The following CSAG1 variants were observed in gnomAD, a reference collection of about 807,000 sequenced individuals.
CSAG1 encodes the protein chondrosarcoma associated gene 1, also known as chondrosarcoma-associated gene 1 protein.
In CSAG1, 4 loss-of-function variants were observed where a neutral mutation model predicts 4.8. The ratio of observed to expected loss-of-function variants is 0.83; its 90% CI spans 0.41 to 1.90. The LOEUF (loss-of-function observed/expected upper bound fraction) is 1.90. Ranked by LOEUF, CSAG1 falls within the 40% of genes most tolerant of loss-of-function variation. The probability of loss-of-function intolerance (pLI) is 0.03; values close to 1 mark genes in which losing one functional copy is unlikely to be tolerated. For missense variants in CSAG1, 69 were observed against 59.5 expected, an observed-to-expected ratio of 1.16 and a Z score of -0.53; for synonymous variants, 21 against 23.1, an observed-to-expected ratio of 0.91 and a Z score of 0.26.
intron 2 of CSAG1, among the ~76,000 whole-genome samples, chrX:152,729,520 G>A (rs1201828931): frequency 1.8e-5 from 2 of 112,060 alleles, no homozygotes; most frequent in African/African-American, 3.3e-5. Flanking sequence ...AAAGCTCAGC[G>A]ATAGAAAAAA....
Position 152,727,683 on chromosome X carries a change from C to G in CSAG1, c.*111G>C, listed in dbSNP as rs1369172699. 24 of 975,000 alleles carry G rather than the reference C, an allele frequency of 2.5e-5. No homozygotes were observed. The highest frequency in any genetic ancestry group is 3.4e-5 in the Non-Finnish European group (23 of 682,970). 80.4% of individuals were successfully genotyped at this position (975,000 alleles called of 1,213,427 possible). A position where few individuals can be genotyped will look rare whatever the true frequency, so the allele number is the denominator to read the frequency against. ...TGGAGAAGGCGGTGGTCTCCTTGCC[C>G]TTGTGGTCCTGCTATGGCGCATTTT... is the stretch of plus-strand genomic sequence containing the variant. On this transcript the variant is annotated 3_prime_UTR_variant, in exon 4 of 4. Transcript: ENST00000452779.
intron 2 of CSAG1, among the ~76,000 whole-genome samples, chrX:152,729,261 A>G (rs1932099668): frequency 1.8e-5 from 2 of 112,227 alleles, no homozygotes; most frequent in African/African-American, 6.5e-5. Flanking sequence ...CAAAAACAAT[A>G]CAACCTCTAT....
At chrX:152,730,085 G>C (rs781826738) in intron 2 of CSAG1, among the ~76,000 whole-genome samples, 4 of 103,936 alleles carry the variant, frequency 3.8e-5, no homozygotes, top group Non-Finnish European at 7.9e-5. Context: ...AAAGGAATAA[G>C]TTACAAGCTG....
At position 152,727,756 on chromosome X, in the gene CSAG1, C is replaced by T. The variant is rs1556830535; in HGVS notation, c.*38G>A. ...GTCAGAGTGGCTGGATAGTGTTGGC[C>T]CACTCCATTCCTCAGGTTTTTTTGA... On this transcript the variant is annotated 3_prime_UTR_variant, in exon 4 of 4. Coordinates refer to ENST00000452779, the MANE Select transcript of CSAG1 (RefSeq NM_001102576.3). The T allele has an allele frequency of 2.5e-6, 3 of 1,196,736 alleles. No homozygotes were observed. Among genetic ancestry groups the T allele is most frequent in the Admixed American group, 2.2e-5 (1 of 45,990 alleles).
At chrX:152,728,746 C>T (rs1468609362) in intron 2 of CSAG1, among the ~76,000 whole-genome samples, 1 of 111,680 alleles carries the variant, frequency 9.0e-6, no homozygotes, top group Non-Finnish European at 1.9e-5. Context: ...TTATTCCTGG[C>T]TTGTAGATGG....
At chrX:152,731,713 T>C (rs1556228216) in intron 2 of CSAG1, among the ~76,000 whole-genome samples, 6 of 87,465 alleles carry the variant, frequency 6.9e-5, no homozygotes. Context: ...AAATAACATA[T>C]GATTTAACAT....
chrX:152,728,408 A>T (rs1455753734), intron 2 of CSAG1, among the ~76,000 whole-genome samples, 184 bp from the exon 3 acceptor site: 1 of 112,445 alleles, frequency 8.9e-6, no homozygotes, highest in Non-Finnish European at 1.9e-5. Flanking sequence ...CTTCACAGCA[A>T]CATCTAGACT....
chrX:152,733,305 G>C (rs1423453539), intron 1 of CSAG1: 2 of 112,454 alleles, frequency 1.8e-5, no homozygotes, highest in African/African-American at 6.5e-5. Flanking sequence ...ACAGCCAGGA[G>C]TGAGGAAGAG....
At chrX:152,732,553 A>C in intron 1 of CSAG1, 49 bp from the exon 2 acceptor site, 1 of 1,191,334 alleles carries the variant, frequency 8.4e-7, no homozygotes, top group Non-Finnish European at 1.1e-6. Flanking sequence ...AGTATTAGCA[A>C]GAAAATCTAC....
chrX:152,732,322 A>G (rs1556227983), intron 2 of CSAG1, 123 bp downstream of exon 2: 1 of 913,346 alleles, frequency 1.1e-6, no homozygotes, highest in Non-Finnish European at 1.5e-6. Flanking sequence ...ATCGAAGTAT[A>G]CTGACATATT....
chrX:152,730,859 A>G (rs1556228494), intron 2 of CSAG1, among the ~76,000 whole-genome samples: 2 of 112,622 alleles, frequency 1.8e-5, no homozygotes, highest in African/African-American at 6.5e-5. Flanking sequence ...TTATAGATGT[A>G]TGAAACCACC....
At chrX:152,732,009 A>G (rs1177008621) in intron 2 of CSAG1, among the ~76,000 whole-genome samples, 3 of 112,333 alleles carry the variant, frequency 2.7e-5, no homozygotes, top group African/African-American at 9.7e-5. Context: ...GAGACACAAA[A>G]AGCTATAAGT....
At chrX:152,728,964 C>G (rs1435148584) in intron 2 of CSAG1, among the ~76,000 whole-genome samples, 1 of 111,271 alleles carries the variant, frequency 9.0e-6, no homozygotes, top group African/African-American at 3.3e-5. Flanking sequence ...TCACCAAATA[C>G]AGACACCCTG....
At chrX:152,732,635 C>A (rs4828717) in intron 1 of CSAG1, 131 bp from the exon 2 acceptor site, 1 of 824,360 alleles carries the variant, frequency 1.2e-6, no homozygotes, top group East Asian at 3.3e-5. Context: ...TGACACTTGC[C>A]GTGTCGGTTA....
At position 152,732,466 on chromosome X, in the gene CSAG1, G is replaced by A. The variant is rs368709679; in HGVS notation, c.-6C>T. On this transcript the variant is annotated 5_prime_UTR_variant, in exon 2 of 4. Transcript: ENST00000452779. Reference sequence around the variant, plus strand: ...TTACCTGTAGTCGCCGACATTACAAGCAAATTTGGGCTGCTGTGCTCTGCT... The same window carrying A: ...TTACCTGTAGTCGCCGACATTACAAACAAATTTGGGCTGCTGTGCTCTGCT... The A allele has an allele frequency of 4.8e-5, 58 of 1,204,611 alleles. No individual in the cohort carries two copies. Among genetic ancestry groups the A allele is most frequent in the Non-Finnish European group, 6.4e-5 (57 of 893,581 alleles).
intron 2 of CSAG1, among the ~76,000 whole-genome samples, chrX:152,728,489 C>A (rs1314004038): frequency 8.9e-6 from 1 of 112,042 alleles, no homozygotes; most frequent in African/African-American, 3.2e-5. Flanking sequence ...CTGCAAATAT[C>A]TTGCACCGTA....
intron 2 of CSAG1, among the ~76,000 whole-genome samples, chrX:152,731,683 T>C (rs1246170689): frequency 2.9e-5 from 3 of 105,060 alleles, no homozygotes; most frequent in African/African-American, 1.0e-4. Context: ...ATTAAACAAA[T>C]AGACAGGCTC....
intron 2 of CSAG1, 84 bp from the exon 3 acceptor site, chrX:152,728,308 T>C (rs1556830891): frequency 6.1e-4 from 565 of 930,750 alleles, no homozygotes; most frequent in Admixed American, 1.7e-3. Context: ...CACCTTCAAC[T>C]AATTGGATGA....
intron 3 of CSAG1, 97 bp downstream of exon 3, chrX:152,727,977 C>T (rs2124962712): frequency 1.7e-6 from 2 of 1,206,098 alleles, no homozygotes; most frequent in East Asian, 5.9e-5. Flanking sequence ...GGGGGTTGTG[C>T]CAGGGGAGGA....
Sources: allele counts gnomAD v4.1 joint callset (sites outside exome capture counted in the v4.1 genomes callset), GRCh38; gene constraint gnomAD v4.1.1; transcripts MANE v1.5; gene names NCBI Gene and HGNC (gene_info 2026-07-23, HGNC 2026-07-21).